Variants in CREB1 observed in about 807,000 individuals in gnomAD.
The protein encoded by CREB1 is cyclic AMP-responsive element-binding protein 1.
A neutral mutation model predicts 42.0 loss-of-function variants in CREB1; 2 were observed. That is an observed-to-expected ratio of 0.05 (90% CI 0.02 to 0.15). The LOEUF (loss-of-function observed/expected upper bound fraction) is 0.15. CREB1 is among the 10% of genes least tolerant of loss of function. The pLI, the probability that CREB1 is intolerant of heterozygous loss-of-function variation, is 1.00. For missense variants in CREB1, 199 were observed against 388.9 expected (o/e 0.51, Z 4.11); for synonymous variants, 123 against 139.9 (o/e 0.88, Z 0.85).
intron 3 of CREB1, chr2:207,561,269 TG>T: frequency 1.0e-6 from 1 of 973,620 alleles, no homozygotes; most frequent in South Asian, 1.5e-5. Context: ...TTTCAACACT[TG>T]AACAAAAACC....
chr2:207,534,488 C>CGG (rs1289975007), intron 1 of CREB1: 1 of 152,198 alleles, frequency 6.6e-6, no homozygotes, highest in Non-Finnish European at 1.5e-5. Flanking sequence ...TGAGCCACCA[C>CGG]GCCCAGCTGG....
chr2:207,548,085 A>G (rs895126098), intron 1 of CREB1, among the ~76,000 whole-genome samples: 4 of 152,046 alleles, frequency 2.6e-5, no homozygotes, highest in African/African-American at 7.2e-5. Flanking sequence ...GGTGCACACC[A>G]CCACGCCCAG....
At chr2:207,542,516 C>T (rs974823158) in intron 1 of CREB1, among the ~76,000 whole-genome samples, 3 of 151,972 alleles carry the variant, frequency 2.0e-5, no homozygotes, top group African/African-American at 7.3e-5. Flanking sequence ...TTTTAAAATT[C>T]GGTTGGCTTT....
chr2:207,588,911 G>A (rs914480513), intron 7 of CREB1, among the ~76,000 whole-genome samples: 1 of 151,136 alleles, frequency 6.6e-6, no homozygotes, highest in African/African-American at 2.4e-5. Context: ...AGATTCTTTG[G>A]GATTCTCTAC....
At chr2:207,546,887 T>C (rs2106402196) in intron 1 of CREB1, among the ~76,000 whole-genome samples, 1 of 152,346 alleles carries the variant, frequency 6.6e-6, no homozygotes, top group East Asian at 1.9e-4. Flanking sequence ...GGCTTTTTCC[T>C]TTGCTGTTTG....
intron 7 of CREB1, among the ~76,000 whole-genome samples, chr2:207,586,181 G>A (rs2083805105): frequency 6.6e-6 from 1 of 152,128 alleles, no homozygotes; most frequent in Admixed American, 6.5e-5. Context: ...CACACTACCT[G>A]ACTTCAAAAT....
Position 207,602,397 on chromosome 2 carries a change from C to G in CREB1, c.*5339C>G, listed in dbSNP as rs868638319. 28 of 202,260 alleles carry G rather than the reference C, an allele frequency of 1.4e-4. No individual in the cohort carries two copies. The highest frequency in any genetic ancestry group is 5.7e-4 in the African/African-American group (25 of 43,566). 12.5% of individuals were successfully genotyped at this position (202,260 alleles called of 1,614,324 possible). A position where few individuals can be genotyped will look rare whatever the true frequency, so the allele number is the denominator to read the frequency against. ...ATGACATGATACATTTTTAATTATT[C>G]TCACCAGCAAGTAAAAGGAAAATGA... On this transcript the variant is annotated 3_prime_UTR_variant, in exon 8 of 8. Transcript: ENST00000353267.
At chr2:207,587,945 T>A (rs2106635804) in intron 7 of CREB1, among the ~76,000 whole-genome samples, 1 of 152,308 alleles carries the variant, frequency 6.6e-6, no homozygotes. Context: ...AAGTGAGGAT[T>A]TTGAATGTTC....
At chr2:207,543,227 T>C (rs1468397208) in intron 1 of CREB1, among the ~76,000 whole-genome samples, 4 of 152,166 alleles carry the variant, frequency 2.6e-5, no homozygotes, top group Non-Finnish European at 5.9e-5. Context: ...GGGATTTTTT[T>C]CCCCCAAATA....
At chr2:207,544,954 T>C (rs890439624) in intron 1 of CREB1, among the ~76,000 whole-genome samples, 1 of 152,210 alleles carries the variant, frequency 6.6e-6, no homozygotes, top group African/African-American at 2.4e-5. Flanking sequence ...ACATTTTCTT[T>C]AGTCTGTCAT....
At chr2:207,548,176 G>A (rs920324665) in intron 1 of CREB1, among the ~76,000 whole-genome samples, 2 of 152,008 alleles carry the variant, frequency 1.3e-5, no homozygotes, top group Non-Finnish European at 2.9e-5. Context: ...TAATCTGCCC[G>A]CCTAGGCCTC....
intron 5 of CREB1, among the ~76,000 whole-genome samples, chr2:207,573,465 G>A (rs1200943189): frequency 6.6e-6 from 1 of 152,272 alleles, no homozygotes; most frequent in East Asian, 1.9e-4. Context: ...GCTGGGCACA[G>A]TGGCTCACGT....
intron 3 of CREB1, among the ~76,000 whole-genome samples, chr2:207,564,577 G>A (rs960462028): frequency 2.0e-5 from 3 of 151,972 alleles, no homozygotes; most frequent in Non-Finnish European, 2.9e-5. Context: ...CCGAGGGATA[G>A]TACTTAAGTT....
intron 1 of CREB1, among the ~76,000 whole-genome samples, chr2:207,536,002 A>G (rs2080856677): frequency 6.6e-6 from 1 of 151,760 alleles, no homozygotes; most frequent in Non-Finnish European, 1.5e-5. Context: ...TTGTAGAGAC[A>G]GAGTTTCGCC....
At chr2:207,577,225 G>T (rs1294021155) in intron 6 of CREB1, 1 of 1,125,422 alleles carries the variant, frequency 8.9e-7, no homozygotes, top group South Asian at 2.2e-5. Context: ...TAGACTTAAG[G>T]TTGGTAAGCA....
rs2086599813 is a variant in CREB1, at chr2:207,598,833, A to T, written c.*1775A>T. 1 of 123,108 alleles carries T rather than the reference A, an allele frequency of 8.1e-6. No individual in the cohort carries two copies. Among genetic ancestry groups the T allele is most frequent in the East Asian group, 1.4e-4 (1 of 7,406 alleles). The allele number at this position is 123,108 out of a possible 1,614,324, so 7.6% of individuals were successfully genotyped here. On this transcript the variant is annotated 3_prime_UTR_variant, in exon 8 of 8. Coordinates refer to ENST00000353267, the MANE Select transcript of CREB1 (RefSeq NM_004379.5). ...ATTGCACTCCAGCCTGGGCGACTCCATCTCAAAAAATAAAAATAAAAAAAA... is the reference window on the plus strand; with the variant it reads ...ATTGCACTCCAGCCTGGGCGACTCCTTCTCAAAAAATAAAAATAAAAAAAA...
In CREB1 at chr2:207,602,705, T is replaced by C. The variant is rs186586133; in HGVS notation, c.*5647T>C. On this transcript the variant is annotated 3_prime_UTR_variant, in exon 8 of 8. Transcript: ENST00000353267. ...AATTGGTAAATGCTTTATAGATGTA[T>C]TTTTATCCAAGTGCCACTCCAATTT... The C allele has an allele frequency of 1.4e-3, 287 of 210,582 alleles. 2 individuals carry two copies. The highest frequency in any genetic ancestry group is 6.1e-3 in the Middle Eastern group (4 of 654). The allele number at this position is 210,582 out of a possible 1,614,324, so 13.0% of individuals were successfully genotyped here.
chr2:207,539,044 C>CTTTT (rs66502070), intron 1 of CREB1, among the ~76,000 whole-genome samples: 2 of 140,486 alleles, frequency 1.4e-5, no homozygotes, highest in Non-Finnish European at 1.5e-5. Flanking sequence ...TATTTGTACT[C>CTTTT]TTTTTTTTTT....
intron 3 of CREB1, among the ~76,000 whole-genome samples, chr2:207,563,199 C>T (rs1051544310): frequency 6.6e-6 from 1 of 151,986 alleles, no homozygotes; most frequent in African/African-American, 2.4e-5. Flanking sequence ...CTTGGGATAT[C>T]AAGGAATAAC....
Sources: allele counts gnomAD v4.1 joint callset (sites outside exome capture counted in the v4.1 genomes callset), GRCh38; gene constraint gnomAD v4.1.1; transcripts MANE v1.5; gene names NCBI Gene and HGNC (gene_info 2026-07-23, HGNC 2026-07-21).